The following WNT9B variants were observed in gnomAD, a reference collection of about 807,000 sequenced individuals.
WNT9B encodes the protein Wnt family member 9B, also known as protein Wnt-9b.
Under a neutral mutation model 30.2 loss-of-function variants are expected in WNT9B, and 12 were observed. The observed-to-expected ratio is 0.40, with a 90% confidence interval of 0.26 to 0.64. The LOEUF (loss-of-function observed/expected upper bound fraction) is 0.64. WNT9B is among the 30% of genes least tolerant of loss of function. The probability of loss-of-function intolerance (pLI) is 0.42; values close to 1 mark genes in which losing one functional copy is unlikely to be tolerated. For synonymous variants in WNT9B, 218 were observed against 216.9 expected (o/e 1.01, Z -0.05); for missense variants, 442 against 485.2 (o/e 0.91, Z 0.84).
intron 1 of WNT9B, among the ~76,000 whole-genome samples, chr17:46,837,878 T>G (rs2084652289): frequency 6.6e-6 from 1 of 152,150 alleles, no homozygotes; most frequent in South Asian, 2.1e-4. Flanking sequence ...ATATTTGCAG[T>G]GATTGTTTTC....
At position 46,874,638 on chromosome 17, in the gene WNT9B, C is replaced by T. The variant is rs566620158; in HGVS notation, c.335-463C>T. ...TGTCACCCAGGCTGGAGTGCAATGG[C>T]GCAATCTCAGCTCACTGCAACCTCC... On this transcript the variant is annotated intron_variant, in intron 2 of 3. Transcript: ENST00000290015. Among the ~76,000 whole-genome samples the T allele has an allele frequency of 1.6e-3, 242 of 152,174 alleles. 1 individual carries two copies. Among genetic ancestry groups the T allele is most frequent in the Non-Finnish European group, 2.9e-3 (195 of 67,998 alleles).
upstream of WNT9B, among the ~76,000 whole-genome samples, chr17:46,850,862 C>T (rs1435871464): frequency 4.6e-5 from 7 of 152,092 alleles, no homozygotes; most frequent in Non-Finnish European, 1.0e-4. Flanking sequence ...TCTGTCTGCC[C>T]CACTGTCCAC....
chr17:46,872,758 G>A lies in WNT9B; in HGVS notation c.319G>A (p.Gly107Ser), dbSNP rs2085271482. ...RWNCSLEGRMGLLKRGFKETA... is the reference protein window; with the variant it reads ...RWNCSLEGRMSLLKRGFKETA... ...GAACTGTAGCCTGGAGGGCAGGATG[G>A]GCCTGCTCAAGAGAGGTGGGGAGGA... is the stretch of plus-strand genomic sequence containing the variant. Residue 107 changes from glycine to serine, a missense_variant, in exon 2 of 4, where the codon GGC becomes AGC. Gly to Ser is a moderately conservative substitution (Grantham distance 56, BLOSUM62 0). Coordinates refer to ENST00000290015, the MANE Select transcript of WNT9B (RefSeq NM_003396.3). The A allele has an allele frequency of 6.2e-7, 1 of 1,607,976 alleles. No homozygotes were observed. The highest frequency in any genetic ancestry group is 8.5e-7 in the Non-Finnish European group (1 of 1,177,612).
At position 46,853,363 on chromosome 17, in the gene WNT9B, CTTTTTTTTTTT is replaced by C. The variant is rs35252647; in HGVS notation, c.77+1664_77+1674del. 3.8e-5 allele frequency among the ~76,000 whole-genome samples: 3 copies of C among 78,906 alleles called. 1 individual carries two copies. The Admixed American group carries it at 5.4e-4, about 14-fold the overall frequency. The allele number at this position is 78,906 out of a possible 152,430, so 51.8% of individuals were successfully genotyped here. ...GTAAGTGCTCAACTAATGCTAGTGACTTTTTTTTTTTTTTTTTTTTTTTTTTAAGACGGAGT... is the reference window on the plus strand; with the variant it reads ...GTAAGTGCTCAACTAATGCTAGTGACTTTTTTTTTTTTTTTAAGACGGAGT... On this transcript the variant is annotated intron_variant, in intron 1 of 3. Transcript: ENST00000290015.
At chr17:46,848,830 C>T (rs971120196), upstream of WNT9B, among the ~76,000 whole-genome samples, 1 of 152,220 alleles carries the variant, frequency 6.6e-6, no homozygotes, top group African/African-American at 2.4e-5. Context: ...CTCCCAGCCT[C>T]TGTTTTTTCA....
In WNT9B at chr17:46,878,979, CT is replaced by C. The variant is rs1163657475; in HGVS notation, c.*2262del. 6.6e-6 allele frequency among the ~76,000 whole-genome samples: 1 copy of C among 152,210 alleles called. No individual in the cohort carries two copies. The highest frequency in any genetic ancestry group is 1.5e-5 in the Non-Finnish European group (1 of 68,048). ...TCATCCCTTTCTTTTCCAGTTACCC[CT>C]GAAGACCCACCTCGGCCCTCTTGGG... is the stretch of plus-strand genomic sequence containing the variant. On this transcript the variant is annotated 3_prime_UTR_variant, in exon 4 of 4. Transcript: ENST00000290015.
At chr17:46,886,389 T>A (rs567839687) in exon 5 of WNT9B, 1 of 152,338 alleles carries the variant, frequency 6.6e-6, no homozygotes, top group African/African-American at 2.4e-5. Context: ...TAGGAGGCCA[T>A]TAGTTTGTAC....
Position 46,872,685 on chromosome 17 carries a change from G to T in WNT9B, c.246G>T (p.Ala82=), listed in dbSNP as rs373305196. The T allele has an allele frequency of 1.2e-6, 2 of 1,613,458 alleles. No homozygotes were observed. The highest frequency in any genetic ancestry group is 1.7e-6 in the Non-Finnish European group (2 of 1,180,020). The change falls in exon 2 of 4, where the codon GCG becomes GCT. Residue 82 remains alanine, a synonymous_variant. Coordinates refer to ENST00000290015, the MANE Select transcript of WNT9B (RefSeq NM_003396.3). Reference sequence around the variant, plus strand: ...TGGCTGAGACCCTGAGGGATGCTGCGCACCTCGGCCTGCTTGAGTGCCAGT... The same window carrying T: ...TGGCTGAGACCCTGAGGGATGCTGCTCACCTCGGCCTGCTTGAGTGCCAGT... ...PGLAETLRDA[A]HLGLLECQFQ...
chr17:46,884,073 G>A (rs2085459670), downstream of WNT9B, among the ~76,000 whole-genome samples: 1 of 152,114 alleles, frequency 6.6e-6, no homozygotes, highest in African/African-American at 2.4e-5. Context: ...ACCTGACCCA[G>A]CGTCCGAATT....
intron 1 of WNT9B, among the ~76,000 whole-genome samples, chr17:46,854,907 G>A (rs532268382): frequency 6.6e-6 from 1 of 152,126 alleles, no homozygotes; most frequent in African/African-American, 2.4e-5. Context: ...TGATCCACTT[G>A]CCTGGGCCTC....
chr17:46,873,086 TCACACACACA>T (rs61118325), intron 2 of WNT9B, among the ~76,000 whole-genome samples: 29,332 of 139,772 alleles, frequency 0.21, 3,326 homozygotes, highest in Non-Finnish European at 0.26. Flanking sequence ...CTCTGCCTCT[TCACACACACA>T]CACACACACA....
chr17:46,883,128 G>A (rs906586729), downstream of WNT9B, among the ~76,000 whole-genome samples: 23 of 151,198 alleles, frequency 1.5e-4, no homozygotes, highest in South Asian at 4.2e-4. Flanking sequence ...CCAGGTGCCC[G>A]CCACCACGCC....
intron 1 of WNT9B, among the ~76,000 whole-genome samples, chr17:46,852,680 A>G (rs939861628): frequency 6.6e-5 from 10 of 152,064 alleles, no homozygotes; most frequent in African/African-American, 2.2e-4. Flanking sequence ...GCCAACTCCA[A>G]TATGTACAGC....
chr17:46,861,568 A>G (rs907437437), intron 1 of WNT9B, among the ~76,000 whole-genome samples: 2 of 152,048 alleles, frequency 1.3e-5, no homozygotes, highest in Non-Finnish European at 2.9e-5. Context: ...GAGAGCAGAG[A>G]CTTATCCCCA....
chr17:46,886,117 A>T (rs900178017), exon 5 of WNT9B: 2 of 152,338 alleles, frequency 1.3e-5, no homozygotes, highest in African/African-American at 4.8e-5. Flanking sequence ...GCTTCAGAGG[A>T]TGCACAGCTG....
chr17:46,859,070 G>A (rs990479105), intron 1 of WNT9B, among the ~76,000 whole-genome samples: 2 of 149,584 alleles, frequency 1.3e-5, no homozygotes. Flanking sequence ...TCCACCTCCC[G>A]GGTTCAAGTG....
At chr17:46,839,912 T>TTTTCTTTCTTTCTTTC (rs10635916) in intron 1 of WNT9B, among the ~76,000 whole-genome samples, 2 of 113,328 alleles carry the variant, frequency 1.8e-5, no homozygotes, top group Admixed American at 9.9e-5. Context: ...ACATTTTCTC[T>TTTTCTTTCTTTCTTTC]TTTCTTTCTT....
At chr17:46,862,683 AG>A (rs1437503412) in intron 1 of WNT9B, among the ~76,000 whole-genome samples, 1 of 152,134 alleles carries the variant, frequency 6.6e-6, no homozygotes, top group Non-Finnish European at 1.5e-5. Context: ...CCCAGGTTCA[AG>A]GGATTCTCCT....
At chr17:46,865,588 G>A (rs2085120017) in intron 1 of WNT9B, among the ~76,000 whole-genome samples, 1 of 152,094 alleles carries the variant, frequency 6.6e-6, no homozygotes, top group African/African-American at 2.4e-5. Context: ...GTCTGTGGGT[G>A]GACTGGGCAA....
Sources: gnomAD v4.1 joint callset for allele counts (sites outside exome capture counted in the v4.1 genomes callset) on GRCh38, gnomAD v4.1.1 for gene constraint, MANE v1.5 for transcripts, NCBI Gene and HGNC (gene_info 2026-07-23, HGNC 2026-07-21) for gene names.